The following KNSTRN variants were observed in gnomAD, a reference collection of about 807,000 sequenced individuals.
The protein encoded by KNSTRN is kinetochore localized astrin (SPAG5) binding protein, also known as small kinetochore-associated protein.
Under a neutral mutation model 44.7 loss-of-function variants are expected in KNSTRN, and 38 were observed. The observed-to-expected ratio is 0.85, with a 90% CI of 0.66 to 1.11. The LOEUF (loss-of-function observed/expected upper bound fraction) is 1.11, where lower values mean the gene tolerates loss of function less well. Ranked by LOEUF, KNSTRN falls within the 50% of genes most tolerant of loss-of-function variation. KNSTRN has a pLI of 0.00. For synonymous variants in KNSTRN, 158 were observed against 148.1 expected, an observed-to-expected ratio of 1.07 and a Z score of -0.48; for missense variants, 406 against 375.8, an observed-to-expected ratio of 1.08 and a Z score of -0.66.
chr15:40,386,488 A>G lies in KNSTRN; in HGVS notation c.431A>G (p.Glu144Gly), dbSNP rs1162499272. The change falls in exon 3 of 9, where the codon GAG becomes GGG. Residue 144 changes from glutamate to glycine, a missense_variant. Transcript: ENST00000249776. Reference sequence around the variant, plus strand: ...ACAAAAATCACCAAACTGAGACGAGAGAATGGGTGAGAACGGATCATTAGT... The same window carrying G: ...ACAAAAATCACCAAACTGAGACGAGGGAATGGGTGAGAACGGATCATTAGT... ...DVTKITKLRR[E>G]NGQMKATDTA... is the part of the protein sequence containing the mutation. 8 of 1,613,982 alleles carry G rather than the reference A, an allele frequency of 5.0e-6. No individual in the cohort carries two copies. Among genetic ancestry groups the G allele is most frequent in the Non-Finnish European group, 6.8e-6 (8 of 1,179,974 alleles).
intron 2 of KNSTRN, 53 bp downstream of exon 2, chr15:40,383,375 G>T (rs983522319): frequency 1.4e-6 from 2 of 1,433,786 alleles, no homozygotes; most frequent in Non-Finnish European, 9.7e-7. Flanking sequence ...GGATGGTCTC[G>T]GGAGTGTGGA....
intron 8 of KNSTRN, among the ~76,000 whole-genome samples, chr15:40,392,912 G>A (rs1890025111): frequency 6.6e-6 from 1 of 151,956 alleles, no homozygotes; most frequent in Non-Finnish European, 1.5e-5. Flanking sequence ...CACCCGGCAG[G>A]AAAAAAATTT....
chr15:40,387,747 C>T (rs980478520), intron 4 of KNSTRN, among the ~76,000 whole-genome samples: 12 of 152,198 alleles, frequency 7.9e-5, no homozygotes, highest in Admixed American at 7.9e-4. Flanking sequence ...CCAGCTCACA[C>T]CTGTAATCGC....
At position 40,389,503 on chromosome 15, in the gene KNSTRN, C is replaced by T. The variant is rs1229392135; in HGVS notation, c.486-3C>T. ...TTTCATGTAAGTACAACTATTATTA[C>T]AGCTACAAACCACTGAGTAAGCAAA... On this transcript the variant is annotated splice_region_variant and splice_polypyrimidine_tract_variant and intron_variant, in intron 4 of 8. Transcript: ENST00000249776. 5.0e-6 allele frequency: 8 copies of T among 1,608,988 alleles called. No homozygotes were observed. Among genetic ancestry groups the T allele is most frequent in the South Asian group, 2.2e-5 (2 of 90,992 alleles).
chr15:40,386,303 C>T (rs759862919), intron 2 of KNSTRN, 59 bp from the exon 3 acceptor site: 1 of 1,548,244 alleles, frequency 6.5e-7, no homozygotes, highest in Non-Finnish European at 8.7e-7. Flanking sequence ...CTGTTTGTTA[C>T]AGGGTTGCAA....
chr15:40,391,485 T>G lies in KNSTRN; in HGVS notation c.686-8T>G. 1.2e-6 allele frequency: 2 copies of G among 1,612,882 alleles called. No homozygotes were observed. Among genetic ancestry groups the G allele is most frequent in the Non-Finnish European group, 1.7e-6 (2 of 1,178,912 alleles). On this transcript the variant is annotated splice_polypyrimidine_tract_variant and splice_region_variant and intron_variant, in intron 6 of 8. Coordinates refer to ENST00000249776, the MANE Select transcript of KNSTRN (RefSeq NM_033286.4). Reference sequence around the variant, plus strand: ...CCTAAGTGAGATTGACTTTGTTGTATCCATCAGCTTTAGGCAGTGAGACCC... The same window carrying G: ...CCTAAGTGAGATTGACTTTGTTGTAGCCATCAGCTTTAGGCAGTGAGACCC...
chr15:40,391,601 G>C (rs779074883), intron 7 of KNSTRN, 47 bp downstream of exon 7: 1 of 1,480,352 alleles, frequency 6.8e-7, no homozygotes, highest in African/African-American at 1.4e-5. Context: ...TGACTGTGGG[G>C]CTCTGTAAAT....
At chr15:40,384,419 A>C (rs774937717) in intron 2 of KNSTRN, 2 of 452,174 alleles carry the variant, frequency 4.4e-6, no homozygotes, top group African/African-American at 4.0e-5. Flanking sequence ...TTTTCTCCAA[A>C]GGCTTAATGG....
intron 2 of KNSTRN, among the ~76,000 whole-genome samples, chr15:40,385,989 C>T (rs532953395): frequency 1.1e-3 from 161 of 152,344 alleles, no homozygotes; most frequent in African/African-American, 3.6e-3. Context: ...TCGTGGCTCA[C>T]GCCAGAGTGG....
chr15:40,388,516 T>A (rs1889939857), intron 4 of KNSTRN, among the ~76,000 whole-genome samples: 1 of 151,962 alleles, frequency 6.6e-6, no homozygotes, highest in African/African-American at 2.4e-5. Flanking sequence ...AACTATGGTG[T>A]TTCACCGTCT....
At chr15:40,393,285 G>A in intron 8 of KNSTRN, 184 bp from the exon 9 acceptor site, 1 of 1,612,166 alleles carries the variant, frequency 6.2e-7, no homozygotes, top group Non-Finnish European at 8.5e-7. Flanking sequence ...TCTACTACTA[G>A]AGGGACAATT....
At chr15:40,391,710 C>A in intron 7 of KNSTRN, 156 bp downstream of exon 7, 1 of 694,478 alleles carries the variant, frequency 1.4e-6, no homozygotes, top group Non-Finnish European at 2.4e-6. Flanking sequence ...CTCAAAATAG[C>A]ATATTTTACT....
intron 4 of KNSTRN, 158 bp from the exon 5 acceptor site, chr15:40,389,348 C>G (rs1889957919): frequency 8.4e-6 from 5 of 598,270 alleles, no homozygotes; most frequent in Non-Finnish European, 1.2e-5. Context: ...CAGGGTTTCT[C>G]TTATCTTGGT....
chr15:40,392,173 C>T (rs1890010106), intron 8 of KNSTRN, 150 bp downstream of exon 8: 1 of 567,314 alleles, frequency 1.8e-6, no homozygotes, highest in Admixed American at 4.2e-5. Context: ...AAAATTTACC[C>T]TGATAGTAAC....
In KNSTRN at chr15:40,393,336, T is replaced by C. The variant is rs181989004; in HGVS notation, c.823-133T>C. On this transcript the variant is annotated intron_variant, in intron 8 of 8. Coordinates refer to ENST00000249776, the MANE Select transcript of KNSTRN (RefSeq NM_033286.4). ...TAGAAATAAAATCTAAAATAGAAGA[T>C]ACAGTCTGTTGATACTCCAGTGGTC... 98 of 1,601,388 alleles carry C rather than the reference T, an allele frequency of 6.1e-5. No individual in the cohort carries two copies. The African/African-American group carries it at 1.3e-3, about 21-fold the overall frequency.
chr15:40,389,111 A>G, intron 4 of KNSTRN: 1 of 451,112 alleles, frequency 2.2e-6, no homozygotes, highest in Non-Finnish European at 4.4e-6. Context: ...CCAGGATAGA[A>G]TGGGACGTGT....
intron 2 of KNSTRN, 60 bp downstream of exon 2, chr15:40,383,382 T>C (rs1293264553): frequency 3.7e-6 from 5 of 1,367,314 alleles, no homozygotes. Flanking sequence ...CTCGGGAGTG[T>C]GGAGATCGAA....
At chr15:40,386,308 T>C in intron 2 of KNSTRN, 54 bp from the exon 3 acceptor site, 2 of 1,577,540 alleles carry the variant, frequency 1.3e-6, no homozygotes. Context: ...TGTTACAGGG[T>C]TGCAACTGTC....
Position 40,391,513 on chromosome 15 carries a change from G to A in KNSTRN, c.706G>A (p.Ala236Thr), listed in dbSNP as rs2141276158. Residue 236 changes from alanine (A) to threonine (T), a missense_variant, in exon 7 of 9, where the codon GCA (alanine) becomes ACA (threonine). By Grantham distance (58) the Ala-to-Thr change is moderately conservative (BLOSUM62 0). Coordinates refer to ENST00000249776, the MANE Select transcript of KNSTRN (RefSeq NM_033286.4). ...LDPALGSETL[A>T]SRQESTTDHM... Reference sequence around the variant, plus strand: ...ATCAGCTTTAGGCAGTGAGACCCTGGCATCACGACAAGAATCCACTACTGA... The same window carrying A: ...ATCAGCTTTAGGCAGTGAGACCCTGACATCACGACAAGAATCCACTACTGA... 6.2e-7 allele frequency: 1 copy of A among 1,613,932 alleles called. No homozygotes were observed.
Sources: gnomAD v4.1 joint callset for allele counts (sites outside exome capture counted in the v4.1 genomes callset) on GRCh38, gnomAD v4.1.1 for gene constraint, MANE v1.5 for transcripts, NCBI Gene and HGNC (gene_info 2026-07-23, HGNC 2026-07-21) for gene names.